Variants in GLIS3 observed in about 807,000 individuals in gnomAD.
GLIS3 encodes the protein zinc finger protein GLIS3.
A neutral mutation model predicts 78.6 loss-of-function variants in GLIS3; 53 were observed. That is an observed-to-expected ratio of 0.67 (90% CI 0.54 to 0.85). The LOEUF (loss-of-function observed/expected upper bound fraction) is 0.85. Ranked by LOEUF, GLIS3 falls within the 40% of genes least tolerant of loss-of-function variation. The pLI is 0.00. For missense variants in GLIS3, 1,703 were observed against 1,231.1 expected (o/e 1.38, Z -5.74); for synonymous variants, 684 against 509.9 (o/e 1.34, Z -4.60).
At chr9:4,427,915 C>G in the GLIS3 span, among the ~76,000 whole-genome samples, 1 of 151,570 alleles carries the variant, frequency 6.6e-6, no homozygotes, top group African/African-American at 2.4e-5. Context: ...AGAAAATTTA[C>G]TAGACTGCTT....
At chr9:3,952,246 G>T (rs1816746921) in intron 4 of GLIS3, among the ~76,000 whole-genome samples, 1 of 152,038 alleles carries the variant, frequency 6.6e-6, no homozygotes, top group Admixed American at 6.5e-5. Context: ...GGGGAAAAAG[G>T]TTAGTTCACT....
chr9:3,905,242 G>A (rs932279555), intron 6 of GLIS3, among the ~76,000 whole-genome samples: 5 of 145,928 alleles, frequency 3.4e-5, no homozygotes, highest in Non-Finnish European at 7.4e-5. Context: ...CGTCCGCCTC[G>A]GCCTCCCAAA....
In GLIS3 at chr9:4,298,641, G is replaced by A. The variant is rs1171851158; in HGVS notation, c.-99+780C>T. The A allele has an allele frequency of 5.3e-4, 116 of 219,322 alleles. 1 individual carries two copies. The highest frequency in any genetic ancestry group is 6.6e-5 in the Non-Finnish European group (7 of 106,478). 13.6% of individuals were successfully genotyped at this position (219,322 alleles called of 1,614,324 possible). ...CGCAGGACAACGTCTCCGAGACTGAGACATTTTCCAAACAGTGCTGACATT... is the reference window on the plus strand; with the variant it reads ...CGCAGGACAACGTCTCCGAGACTGAAACATTTTCCAAACAGTGCTGACATT... On this transcript the variant is annotated intron_variant, in intron 1 of 10. Transcript: ENST00000381971.
chr9:4,099,472 T>G (rs1316391319), intron 4 of GLIS3, among the ~76,000 whole-genome samples: 2 of 152,218 alleles, frequency 1.3e-5, no homozygotes, highest in African/African-American at 2.4e-5. Flanking sequence ...CATGTCTTTG[T>G]GTCCAACTTT....
intron 4 of GLIS3, among the ~76,000 whole-genome samples, chr9:4,062,975 G>C (rs899756719): frequency 1.3e-5 from 2 of 151,810 alleles, no homozygotes; most frequent in African/African-American, 4.8e-5. Flanking sequence ...AGCACAGTAT[G>C]CAAACGACAC....
At chr9:4,119,795 T>C (rs1832043996) in intron 3 of GLIS3, among the ~76,000 whole-genome samples, 1 of 152,228 alleles carries the variant, frequency 6.6e-6, no homozygotes, top group East Asian at 1.9e-4. Flanking sequence ...ATCAAAATGG[T>C]TCATAATGTA....
chr9:4,251,052 T>A (rs768011364), intron 2 of GLIS3, among the ~76,000 whole-genome samples: 1 of 152,170 alleles, frequency 6.6e-6, no homozygotes, highest in Non-Finnish European at 1.5e-5. Flanking sequence ...AGAATAAATG[T>A]GATGTGGTGC....
At chr9:4,241,691 T>C (rs899646154) in intron 2 of GLIS3, among the ~76,000 whole-genome samples, 2 of 152,160 alleles carry the variant, frequency 1.3e-5, no homozygotes, top group Non-Finnish European at 2.9e-5. Flanking sequence ...GTTTTGTTTT[T>C]TTTGAGATAC....
At chr9:4,459,164 C>T in the GLIS3 span, among the ~76,000 whole-genome samples, 1 of 152,058 alleles carries the variant, frequency 6.6e-6, no homozygotes, top group East Asian at 1.9e-4. Context: ...TTGAATAATC[C>T]TTGTAAGAGA....
intron 2 of GLIS3, among the ~76,000 whole-genome samples, chr9:4,326,809 G>A (rs1014268187): frequency 1.3e-5 from 2 of 152,204 alleles, no homozygotes; most frequent in Non-Finnish European, 2.9e-5. Context: ...GAGAAAGGTA[G>A]GTTTGGGGCT....
intron 2 of GLIS3, among the ~76,000 whole-genome samples, chr9:4,204,347 G>A (rs930497896): frequency 6.6e-6 from 1 of 152,122 alleles, no homozygotes; most frequent in African/African-American, 2.4e-5. Context: ...ATAACCATCT[G>A]ATACACTTTC....
intron 4 of GLIS3, among the ~76,000 whole-genome samples, chr9:4,019,076 T>G (rs569736812): frequency 7.9e-5 from 12 of 152,314 alleles, no homozygotes; most frequent in African/African-American, 2.9e-4. Context: ...AAGCAGGAAG[T>G]TGATGAACAC....
intron 4 of GLIS3, among the ~76,000 whole-genome samples, chr9:4,105,925 A>G (rs1236110064): frequency 6.6e-6 from 1 of 152,160 alleles, no homozygotes; most frequent in Non-Finnish European, 1.5e-5. Flanking sequence ...TCAATTCACT[A>G]GGCTGCTGGG....
At position 3,896,591 on chromosome 9, in the gene GLIS3, G is replaced by A. The variant is rs1822848845; in HGVS notation, c.2128+2100C>T. On this transcript the variant is annotated intron_variant, in intron 7 of 10. Coordinates refer to ENST00000381971, the MANE Select transcript of GLIS3 (RefSeq NM_001042413.2). The stretch of plus-strand genomic sequence containing the variant: ...TGAGGCAGGAGAATTGCTTGAACCT[G>A]GGAGGTAGAGGTTGCAGTGAGCTGA... Among the ~76,000 whole-genome samples, 6 of 146,078 alleles carry A rather than the reference G, an allele frequency of 4.1e-5. No homozygotes were observed. The South Asian group carries it at 1.1e-3, about 27-fold the overall frequency.
At chr9:3,953,764 T>A (rs778604346) in intron 4 of GLIS3, among the ~76,000 whole-genome samples, 155 of 49,756 alleles carry the variant, frequency 3.1e-3, no homozygotes, top group African/African-American at 9.8e-3. Flanking sequence ...AGATTTGCTC[T>A]CTCTCTCTCT....
At chr9:4,075,014 G>T (rs753431935) in intron 4 of GLIS3, among the ~76,000 whole-genome samples, 1 of 151,992 alleles carries the variant, frequency 6.6e-6, no homozygotes, top group Non-Finnish European at 1.5e-5. Flanking sequence ...GACAACAGAC[G>T]TACTCACCAA....
intron 2 of GLIS3, among the ~76,000 whole-genome samples, chr9:4,341,992 A>G (rs932536678): frequency 6.6e-6 from 1 of 152,098 alleles, no homozygotes; most frequent in Non-Finnish European, 1.5e-5. Context: ...TGGATTCTGG[A>G]TATTAGACCT....
the GLIS3 span, among the ~76,000 whole-genome samples, chr9:4,407,917 G>C: frequency 1.3e-5 from 2 of 150,798 alleles, no homozygotes; most frequent in African/African-American, 4.9e-5. Flanking sequence ...AACTCTAAGA[G>C]GAAAAAAAAA....
intron 1 of GLIS3, among the ~76,000 whole-genome samples, chr9:4,293,176 A>G (rs374967519): frequency 4.9e-4 from 74 of 152,352 alleles, no homozygotes; most frequent in African/African-American, 1.8e-3. Context: ...CACTTAGTCC[A>G]TATGACTAAG....
Sources: gnomAD v4.1 joint callset for allele counts (sites outside exome capture counted in the v4.1 genomes callset) on GRCh38, gnomAD v4.1.1 for gene constraint, MANE v1.5 for transcripts, NCBI Gene and HGNC (gene_info 2026-07-23, HGNC 2026-07-21) for gene names.